DTX4: variants seen among roughly 807,000 people sequenced by gnomAD.
The protein encoded by DTX4 is deltex E3 ubiquitin ligase 4.
In DTX4, 28 loss-of-function variants were observed where a neutral mutation model predicts 57.6. That is an observed-to-expected ratio of 0.49 (90% CI 0.36 to 0.67). The LOEUF is 0.67. Among genes scored for constraint, DTX4 ranks in the 30% least tolerant of loss-of-function variants. The probability of loss-of-function intolerance (pLI) is 0.00; values close to 1 mark genes in which losing one functional copy is unlikely to be tolerated. For missense variants in DTX4, 715 were observed against 836.8 expected (o/e 0.85, Z 1.80); for synonymous variants, 316 against 331.0 (o/e 0.95, Z 0.49).
intron 1 of DTX4, among the ~76,000 whole-genome samples, chr11:59,176,509 T>C (rs1203149475): frequency 6.6e-6 from 1 of 152,228 alleles, no homozygotes; most frequent in Non-Finnish European, 1.5e-5. Context: ...GTTCCAGACA[T>C]GTGAGATATA....
chr11:59,204,574 C>T (rs1359904291), intron 8 of DTX4, 102 bp from the exon 9 acceptor site: 1 of 1,088,090 alleles, frequency 9.2e-7, no homozygotes, highest in Non-Finnish European at 1.3e-6. Flanking sequence ...TATCATGATG[C>T]AGGAAGGGAT....
chr11:59,197,181 A>T (rs1038468952), intron 7 of DTX4, among the ~76,000 whole-genome samples: 1 of 152,186 alleles, frequency 6.6e-6, no homozygotes, highest in African/African-American at 2.4e-5. Flanking sequence ...CTGGTCGTCA[A>T]CATCATTTTA....
At chr11:59,199,834 A>G (rs1862720236) in intron 8 of DTX4, 61 bp downstream of exon 8, 3 of 1,404,540 alleles carry the variant, frequency 2.1e-6, no homozygotes, top group Non-Finnish European at 2.0e-6. Context: ...GTTTACTTCT[A>G]TGTCAAGGCC....
intron 3 of DTX4, 32 bp from the exon 4 acceptor site, chr11:59,189,130 G>A: frequency 6.2e-7 from 1 of 1,611,674 alleles, no homozygotes; most frequent in Non-Finnish European, 8.5e-7. Flanking sequence ...TAAGTCTCCA[G>A]TCTTTCCTCA....
rs201305796 is a variant in DTX4 at position 59,192,119 on chromosome 11, C to A, written c.1243C>A (p.Arg415Ser). The change falls in exon 6 of 9, where the codon CGC becomes AGC. Residue 415 changes from arginine (R) to serine (S), a missense_variant. Transcript: ENST00000227451. Reference protein sequence around the residue: ...PDEDCTICMERLTAPSGYKGP... With the variant: ...PDEDCTICMESLTAPSGYKGP... ...CCAGGACTGCACCATCTGTATGGAA[C>A]GCCTCACGGCCCCCTCAGGCTACAA... 1 of 1,613,588 alleles carries A rather than the reference C, an allele frequency of 6.2e-7. No homozygotes were observed. The highest frequency in any genetic ancestry group is 1.1e-5 in the South Asian group (1 of 91,068).
In DTX4 at chr11:59,206,141, T is replaced by A. The variant is rs1175335163; in HGVS notation, c.*1232T>A. 2 of 152,244 alleles carry A rather than the reference T, an allele frequency of 1.3e-5. No individual in the cohort carries two copies. The highest frequency in any genetic ancestry group is 2.9e-5 in the Non-Finnish European group (2 of 68,054). 9.4% of individuals were successfully genotyped at this position (152,244 alleles called of 1,614,324 possible). A position where few individuals can be genotyped will look rare whatever the true frequency, so the allele number is the denominator to read the frequency against. On this transcript the variant is annotated 3_prime_UTR_variant, in exon 9 of 9. Coordinates refer to ENST00000227451, the MANE Select transcript of DTX4 (RefSeq NM_015177.2). ...AGTCTTGTTTCTATGAAGGCTTCAA[T>A]CTGTTTCCATGCAAATTTGCTAATC...
chr11:59,199,135 A>C (rs754296457), intron 7 of DTX4, among the ~76,000 whole-genome samples: 17 of 152,262 alleles, frequency 1.1e-4, no homozygotes, highest in Non-Finnish European at 2.4e-4. Flanking sequence ...AATCATTCAG[A>C]AAATTCTGTT....
chr11:59,192,349 G>A, intron 6 of DTX4, 99 bp downstream of exon 6: 1 of 1,434,786 alleles, frequency 7.0e-7, no homozygotes, highest in Admixed American at 1.8e-5. Flanking sequence ...AGTGATCTGG[G>A]AAGTCTTAGA....
chr11:59,189,266 T>C lies in DTX4; in HGVS notation c.1102T>C (p.Ser368Pro), dbSNP rs780972039. ...CCCCGTCAGCAAGAGTGAAATAAAATCCATCCCAGGGGTTTCCAACACAAG... is the reference window on the plus strand; with the variant it reads ...CCCCGTCAGCAAGAGTGAAATAAAACCCATCCCAGGGGTTTCCAACACAAG... ...PPPVSKSEIK[S>P]IPGVSNTSRK... The change falls in exon 4 of 9, where the codon TCC (serine) becomes CCC (proline). Residue 368 changes from serine to proline, a missense_variant. Physicochemically the swap from Ser to Pro is moderately conservative, Grantham distance 74. Coordinates refer to ENST00000227451, the MANE Select transcript of DTX4 (RefSeq NM_015177.2). The C allele has an allele frequency of 1.9e-6, 3 of 1,592,410 alleles. No homozygotes were observed. Among genetic ancestry groups the C allele is most frequent in the East Asian group, 2.3e-5 (1 of 43,102 alleles).
chr11:59,192,328 G>A, intron 6 of DTX4, 78 bp downstream of exon 6: 1 of 1,556,390 alleles, frequency 6.4e-7, no homozygotes, highest in Non-Finnish European at 8.8e-7. Flanking sequence ...GCCCTTTAGG[G>A]CCCTTGCTCA....
chr11:59,202,843 G>A (rs1011500940), intron 8 of DTX4, among the ~76,000 whole-genome samples: 6 of 152,090 alleles, frequency 3.9e-5, no homozygotes, highest in Non-Finnish European at 7.3e-5. Context: ...TACAAACATC[G>A]CAGAGTGTAC....
At chr11:59,197,824 G>T (rs753111997) in intron 7 of DTX4, among the ~76,000 whole-genome samples, 1 of 152,152 alleles carries the variant, frequency 6.6e-6, no homozygotes, top group Non-Finnish European at 1.5e-5. Flanking sequence ...AGAAACAGAC[G>T]ATGTTCTGGT....
chr11:59,196,299 A>T (rs538937325), intron 7 of DTX4, among the ~76,000 whole-genome samples: 1 of 152,162 alleles, frequency 6.6e-6, no homozygotes, highest in South Asian at 2.1e-4. Flanking sequence ...CATAAAGGAA[A>T]CAAATGAATA....
intron 1 of DTX4, among the ~76,000 whole-genome samples, chr11:59,181,501 A>G (rs1590980528): frequency 6.6e-6 from 1 of 152,102 alleles, no homozygotes; most frequent in Non-Finnish European, 1.5e-5. Context: ...CTTACCTTAT[A>G]CTGCCACCCA....
chr11:59,187,865 A>G (rs1862547185), intron 2 of DTX4, among the ~76,000 whole-genome samples: 2 of 152,240 alleles, frequency 1.3e-5, no homozygotes, highest in Non-Finnish European at 1.5e-5. Flanking sequence ...GCTTTGCCTA[A>G]TATTTATATA....
rs774464332 is a variant in DTX4, at chr11:59,182,396, C to T, written c.869C>T (p.Ala290Val). ...PNSKTGRVAL[A>V]TLNRTNLQRL... ...AGCAAGACCGGAAGGGTGGCCCTGG[C>T]CACCTTGAATCGTACCAACCTGCAG... is the stretch of plus-strand genomic sequence containing the variant. Residue 290 changes from alanine (A) to valine (V), a missense_variant, in exon 2 of 9, where the codon GCC becomes GTC. Coordinates refer to ENST00000227451, the MANE Select transcript of DTX4 (RefSeq NM_015177.2). 4 of 1,613,390 alleles carry T rather than the reference C, an allele frequency of 2.5e-6. No homozygotes were observed. Among genetic ancestry groups the T allele is most frequent in the Non-Finnish European group, 1.7e-6 (2 of 1,179,744 alleles).
At chr11:59,196,965 A>T (rs1159015638) in intron 7 of DTX4, among the ~76,000 whole-genome samples, 3 of 152,190 alleles carry the variant, frequency 2.0e-5, no homozygotes, top group Admixed American at 1.3e-4. Context: ...ACCCCGGTCC[A>T]TTGAAAAGTT....
intron 2 of DTX4, among the ~76,000 whole-genome samples, chr11:59,187,223 G>C (rs1174554378): frequency 6.6e-6 from 1 of 152,222 alleles, no homozygotes; most frequent in Admixed American, 6.5e-5. Context: ...CAAGAGCCTG[G>C]CATAGTAAAT....
chr11:59,203,159 A>G (rs1030176423), intron 8 of DTX4, among the ~76,000 whole-genome samples: 4 of 152,258 alleles, frequency 2.6e-5, no homozygotes, highest in African/African-American at 4.8e-5. Flanking sequence ...TAAAGACTTT[A>G]TAAACACTGT....
Sources: allele counts gnomAD v4.1 joint callset (sites outside exome capture counted in the v4.1 genomes callset), GRCh38; gene constraint gnomAD v4.1.1; transcripts MANE v1.5; gene names NCBI Gene and HGNC (gene_info 2026-07-23, HGNC 2026-07-21).